GRIN2B: variants seen among roughly 807,000 people sequenced by gnomAD.
The protein encoded by GRIN2B is glutamate receptor ionotropic, NMDA 2B.
In GRIN2B, 5 loss-of-function variants were observed where a neutral mutation model predicts 114.5. The observed-to-expected ratio is 0.04, with a 90% CI of 0.02 to 0.09. The LOEUF is 0.09. Ranked by LOEUF, GRIN2B falls within the 10% of genes least tolerant of loss-of-function variation. GRIN2B has a pLI of 1.00. For missense variants in GRIN2B, 1,108 were observed against 1,943.5 expected, an observed-to-expected ratio of 0.57 and a Z score of 8.08; for synonymous variants, 787 against 745.1, an observed-to-expected ratio of 1.06 and a Z score of -0.92.
intron 5 of GRIN2B, among the ~76,000 whole-genome samples, chr12:13,669,361 AC>A (rs1049846886): frequency 4.7e-4 from 72 of 151,808 alleles, no homozygotes; most frequent in African/African-American, 1.7e-3. Flanking sequence ...TCCCTTAACA[AC>A]CCCAATTCCC....
chr12:13,656,011 G>A (rs140154400), intron 5 of GRIN2B, among the ~76,000 whole-genome samples: 2 of 152,176 alleles, frequency 1.3e-5, no homozygotes, highest in Non-Finnish European at 2.9e-5. Flanking sequence ...AGCTTCTCCT[G>A]TAGTGTTTTT....
At chr12:13,799,401 C>CA (rs1864468164) in intron 3 of GRIN2B, among the ~76,000 whole-genome samples, 1 of 152,152 alleles carries the variant, frequency 6.6e-6, no homozygotes, top group Admixed American at 6.5e-5. Flanking sequence ...GCTCACATTT[C>CA]TAGGGACTGT....
chr12:13,861,071 G>A (rs560941427), intron 3 of GRIN2B, among the ~76,000 whole-genome samples: 30 of 151,968 alleles, frequency 2.0e-4, no homozygotes, highest in Non-Finnish European at 4.1e-4. Flanking sequence ...AAGGTGTATA[G>A]GGCAGAACAC....
chr12:13,703,219 C>T (rs962881739), intron 4 of GRIN2B, among the ~76,000 whole-genome samples: 1 of 152,088 alleles, frequency 6.6e-6, no homozygotes, highest in Admixed American at 6.6e-5. Context: ...TCCCATATGG[C>T]CAGCTAGAGA....
chr12:13,843,507 C>T (rs1180682203), intron 3 of GRIN2B, among the ~76,000 whole-genome samples: 1 of 152,120 alleles, frequency 6.6e-6, no homozygotes, highest in Non-Finnish European at 1.5e-5. Flanking sequence ...AAAATGTCTG[C>T]ACCTTCAGGC....
chr12:13,785,642 T>C (rs1204565809), intron 3 of GRIN2B, among the ~76,000 whole-genome samples: 1 of 152,222 alleles, frequency 6.6e-6, no homozygotes, highest in Non-Finnish European at 1.5e-5. Flanking sequence ...CTTCATGTAA[T>C]GAAAAGAATG....
At position 13,571,919 on chromosome 12, in the gene GRIN2B, C is replaced by T. The variant is rs2136415913; in HGVS notation, c.2056G>A (p.Val686Met). ...DFSPPFRFGT[V>M]PNGSTERNIR... is the part of the protein sequence containing the mutation. ...TTTCTCTCTGTGCTGCCGTTGGGCA[C>T]GGTCCCAAAGCGGAAAGGGGGTGAG... Residue 686 changes from valine (V) to methionine (M), a missense_variant, in exon 11 of 14, where the codon GTG becomes ATG. By Grantham distance (21) the Val-to-Met change is conservative. Coordinates refer to ENST00000609686, the MANE Select transcript of GRIN2B (RefSeq NM_000834.5). 6.2e-7 allele frequency: 1 copy of T among 1,614,004 alleles called. No homozygotes were observed. The highest frequency in any genetic ancestry group is 8.5e-7 in the Non-Finnish European group (1 of 1,179,968).
At chr12:13,571,329 A>G (rs1347932942) in intron 11 of GRIN2B, among the ~76,000 whole-genome samples, 2 of 152,298 alleles carry the variant, frequency 1.3e-5, no homozygotes, top group East Asian at 3.9e-4. Context: ...AACACTCCCT[A>G]GAGGACAGAG....
intron 2 of GRIN2B, among the ~76,000 whole-genome samples, chr12:13,974,305 T>A (rs1167632748): frequency 6.6e-6 from 1 of 152,226 alleles, no homozygotes; most frequent in Non-Finnish European, 1.5e-5. Flanking sequence ...CATTTGCTCA[T>A]TCTAGAGGCA....
At chr12:13,750,805 T>A (rs1447172908) in intron 4 of GRIN2B, among the ~76,000 whole-genome samples, 1 of 151,924 alleles carries the variant, frequency 6.6e-6, no homozygotes, top group Non-Finnish European at 1.5e-5. Context: ...GGAAATGGGG[T>A]CAGAGAAATG....
chr12:13,651,633 G>C (rs1949814196), intron 5 of GRIN2B, among the ~76,000 whole-genome samples: 1 of 152,048 alleles, frequency 6.6e-6, no homozygotes, highest in South Asian at 2.1e-4. Context: ...ATCCATTGCT[G>C]ATATTTCCCA....
At position 13,539,680 on chromosome 12, in the gene GRIN2B, C is replaced by A. The variant is rs371135006; in HGVS notation, c.*23103G>T. 3.9e-5 allele frequency: 6 copies of A among 152,252 alleles called. No homozygotes were observed. The East Asian group carries it at 7.7e-4, about 20-fold the overall frequency. The allele number at this position is 152,252 out of a possible 1,614,324, so 9.4% of individuals were successfully genotyped here. A position where few individuals can be genotyped will look rare whatever the true frequency, so the allele number is the denominator to read the frequency against. On this transcript the variant is annotated 3_prime_UTR_variant, in exon 14 of 14. Coordinates refer to ENST00000609686, the MANE Select transcript of GRIN2B (RefSeq NM_000834.5). ...TAATATTGGGAAGAACCAGCAAAAT[C>A]CAACTGTGGGAACCTCTAAAGGATA... is the stretch of plus-strand genomic sequence containing the variant.
intron 2 of GRIN2B, among the ~76,000 whole-genome samples, chr12:13,891,688 C>T (rs1043808998): frequency 3.9e-5 from 6 of 152,044 alleles, no homozygotes; most frequent in African/African-American, 1.4e-4. Flanking sequence ...CAAAAGGTGT[C>T]AGACTGGCAA....
chr12:13,895,143 C>A (rs1042323459), intron 2 of GRIN2B, among the ~76,000 whole-genome samples: 1 of 152,176 alleles, frequency 6.6e-6, no homozygotes, highest in African/African-American at 2.4e-5. Context: ...TTCAGTTCAA[C>A]CTCCTCCTTC....
intron 4 of GRIN2B, among the ~76,000 whole-genome samples, chr12:13,699,466 T>C (rs1307112880): frequency 6.6e-6 from 1 of 152,068 alleles, no homozygotes; most frequent in Non-Finnish European, 1.5e-5. Context: ...CAGGGATCTC[T>C]GAAAAAAGAT....
intron 4 of GRIN2B, among the ~76,000 whole-genome samples, chr12:13,682,966 A>C (rs1282383515): frequency 6.6e-6 from 1 of 152,196 alleles, no homozygotes; most frequent in African/African-American, 2.4e-5. Context: ...AGAGAACATT[A>C]ACCTCCCTCC....
At chr12:13,589,482 AG>A (rs1411638944) in intron 10 of GRIN2B, among the ~76,000 whole-genome samples, 2 of 152,240 alleles carry the variant, frequency 1.3e-5, no homozygotes, top group Admixed American at 1.3e-4. Flanking sequence ...GAGATAGACT[AG>A]GTGGTTGGAC....
chr12:13,935,956 A>G (rs1048750202), intron 2 of GRIN2B, among the ~76,000 whole-genome samples: 3 of 152,154 alleles, frequency 2.0e-5, no homozygotes, highest in Non-Finnish European at 4.4e-5. Context: ...GCCTAGAGAC[A>G]ATTTCCTGAC....
chr12:13,930,601 G>T (rs757905715), intron 2 of GRIN2B, among the ~76,000 whole-genome samples: 9 of 152,172 alleles, frequency 5.9e-5, no homozygotes, highest in Non-Finnish European at 1.3e-4. Context: ...TTGAATTAAT[G>T]TATCGGTAAT....
Sources: gnomAD v4.1 joint callset for allele counts (sites outside exome capture counted in the v4.1 genomes callset) on GRCh38, gnomAD v4.1.1 for gene constraint, MANE v1.5 for transcripts, NCBI Gene and HGNC (gene_info 2026-07-23, HGNC 2026-07-21) for gene names.